GALNT10: variants seen among roughly 807,000 people sequenced by gnomAD.
GALNT10 encodes the protein polypeptide N-acetylgalactosaminyltransferase 10.
Under a neutral mutation model 75.0 loss-of-function variants are expected in GALNT10, and 41 were observed. The observed-to-expected ratio is 0.55, with a 90% CI of 0.43 to 0.71. The LOEUF (loss-of-function observed/expected upper bound fraction) is 0.71, where lower values mean the gene tolerates loss of function less well. GALNT10 is among the 30% of genes least tolerant of loss of function. GALNT10 has a pLI of 0.00. For missense variants in GALNT10, 727 were observed against 818.5 expected, an observed-to-expected ratio of 0.89 and a Z score of 1.36; for synonymous variants, 302 against 313.0, an observed-to-expected ratio of 0.96 and a Z score of 0.37.
chr5:154,413,039 T>C, intron 10 of GALNT10, 34 bp downstream of exon 10: 1 of 1,374,398 alleles, frequency 7.3e-7, no homozygotes, highest in Non-Finnish European at 1.0e-6. Flanking sequence ...GGCAGCCAGG[T>C]TCTCTGAAAC....
Position 154,190,954 on chromosome 5 carries a change from C to G in GALNT10, c.88C>G (p.Leu30Val). The G allele has an allele frequency of 1.3e-6, 2 of 1,510,950 alleles. No individual in the cohort carries two copies. 93.6% of individuals were successfully genotyped at this position (1,510,950 alleles called of 1,614,324 possible). A position where few individuals can be genotyped will look rare whatever the true frequency, so the allele number is the denominator to read the frequency against. Residue 30 changes from leucine to valine, a missense_variant, in exon 1 of 12, where the codon CTG becomes GTG. By Grantham distance (32) the Leu-to-Val change is conservative (BLOSUM62 1). Transcript: ENST00000297107. ...CCTGCCCAACGTGGGGCTTTGGGCG[C>G]TGTACCGCGAGCGGCAGCCCGACGG... Reference protein sequence around the residue: ...VLLPNVGLWALYRERQPDGTP... With the variant: ...VLLPNVGLWAVYRERQPDGTP...
chr5:154,389,021 C>G (rs1448825211), intron 7 of GALNT10: 1 of 151,882 alleles, frequency 6.6e-6, no homozygotes. Flanking sequence ...CAGGCCAACT[C>G]TGATCCATTG....
At chr5:154,366,863 A>C (rs1225556454) in intron 4 of GALNT10, among the ~76,000 whole-genome samples, 3 of 152,230 alleles carry the variant, frequency 2.0e-5, no homozygotes, top group African/African-American at 7.2e-5. Context: ...GGCTAGTAAC[A>C]ATAGCAATAG....
chr5:154,258,288 T>A (rs1041627441), intron 1 of GALNT10, among the ~76,000 whole-genome samples: 28 of 152,174 alleles, frequency 1.8e-4, no homozygotes, highest in Non-Finnish European at 3.8e-4. Context: ...TTTTTTCTTA[T>A]TCAGTGTCTA....
At position 154,309,404 on chromosome 5, in the gene GALNT10, A is replaced by G. The variant is rs116553888; in HGVS notation, c.401+11325A>G. Among the ~76,000 whole-genome samples, 1,452 of 152,278 alleles carry G rather than the reference A, an allele frequency of 9.5e-3. 26 individuals carry two copies. The highest frequency in any genetic ancestry group is 0.033 in the African/African-American group (1,366 of 41,550). On this transcript the variant is annotated intron_variant, in intron 3 of 11. Coordinates refer to ENST00000297107, the MANE Select transcript of GALNT10 (RefSeq NM_198321.4). Reference sequence around the variant, plus strand: ...ACTGGAAGGTTTTGAACAGAGAGTGACATGATCTGATTTTCATGTTAAAAG... The same window carrying G: ...ACTGGAAGGTTTTGAACAGAGAGTGGCATGATCTGATTTTCATGTTAAAAG...
intron 7 of GALNT10, among the ~76,000 whole-genome samples, chr5:154,398,306 G>T (rs918011051): frequency 9.2e-5 from 14 of 152,238 alleles, no homozygotes; most frequent in Non-Finnish European, 1.6e-4. Flanking sequence ...GCAACACAAG[G>T]AGAGGAACTG....
chr5:154,403,337 AT>A (rs1457360803), intron 7 of GALNT10, among the ~76,000 whole-genome samples: 1 of 152,162 alleles, frequency 6.6e-6, no homozygotes, highest in Admixed American at 6.5e-5. Flanking sequence ...ACATGTTCAC[AT>A]TCCCAAGTTG....
chr5:154,247,812 C>T (rs1416561520), intron 1 of GALNT10, among the ~76,000 whole-genome samples: 1 of 152,154 alleles, frequency 6.6e-6, no homozygotes, highest in Non-Finnish European at 1.5e-5. Context: ...TTTCTTTCTC[C>T]TGCCTGATTG....
At chr5:154,382,149 A>C (rs764591985) in intron 6 of GALNT10, among the ~76,000 whole-genome samples, 1 of 152,236 alleles carries the variant, frequency 6.6e-6, no homozygotes, top group Non-Finnish European at 1.5e-5. Flanking sequence ...GGCATGGTGC[A>C]TACCCAGGGC....
intron 1 of GALNT10, among the ~76,000 whole-genome samples, chr5:154,248,196 T>G (rs1753461143): frequency 6.6e-6 from 1 of 152,278 alleles, no homozygotes; most frequent in Non-Finnish European, 1.5e-5. Flanking sequence ...TTTGATGTGC[T>G]GCTGGATTCG....
intron 3 of GALNT10, among the ~76,000 whole-genome samples, chr5:154,316,397 T>G (rs542364985): frequency 3.4e-4 from 52 of 152,308 alleles, no homozygotes; most frequent in African/African-American, 1.0e-3. Context: ...ACAGAAGGGT[T>G]GGACGAGGCA....
At chr5:154,333,059 A>G (rs1188457916) in intron 4 of GALNT10, among the ~76,000 whole-genome samples, 3 of 152,220 alleles carry the variant, frequency 2.0e-5, no homozygotes, top group African/African-American at 7.2e-5. Context: ...AGTCTCAGGA[A>G]ACGCTGTGAG....
chr5:154,283,811 C>CA (rs1373570409), intron 1 of GALNT10, among the ~76,000 whole-genome samples: 4 of 152,216 alleles, frequency 2.6e-5, no homozygotes, highest in Non-Finnish European at 5.9e-5. Context: ...TTGTGGAAAT[C>CA]AACCAGTGGG....
chr5:154,216,216 A>G (rs1165314558), intron 1 of GALNT10, among the ~76,000 whole-genome samples: 1 of 152,140 alleles, frequency 6.6e-6, no homozygotes, highest in Non-Finnish European at 1.5e-5. Flanking sequence ...ATTGTTTCAA[A>G]TTGTTAGCTC....
chr5:154,405,301 C>T (rs1756251480), intron 8 of GALNT10, among the ~76,000 whole-genome samples: 1 of 152,206 alleles, frequency 6.6e-6, no homozygotes, highest in African/African-American at 2.4e-5. Context: ...CCGCGCGTCT[C>T]CCTGAGAGCC....
intron 4 of GALNT10, among the ~76,000 whole-genome samples, chr5:154,372,728 G>A (rs1014113457): frequency 3.9e-5 from 6 of 152,056 alleles, no homozygotes; most frequent in Non-Finnish European, 7.4e-5. Context: ...GCCGAGGTCC[G>A]ACACATGGAC....
In GALNT10 at chr5:154,376,354, G is replaced by A. The variant is rs770426085; in HGVS notation, c.646G>A (p.Gly216Arg). 1 of 1,611,700 alleles carries A rather than the reference G, an allele frequency of 6.2e-7. No homozygotes were observed. The highest frequency in any genetic ancestry group is 1.1e-5 in the South Asian group (1 of 90,590). ...VRILRTKKRE[G>R]LIRTRMLGAS... ...GATTCTTCGAACCAAGAAACGGGAA[G>A]GGCTGATAAGGACCCGAATGCTGGG... Residue 216 changes from glycine (G) to arginine (R), a missense_variant, in exon 5 of 12, where the codon GGG (glycine) becomes AGG (arginine). Transcript: ENST00000297107. This position sits in a 1 kb window ranked among gnomAD's most constrained non-coding sequence, Gnocchi z 4.1.
chr5:154,258,355 T>G (rs567925577), intron 1 of GALNT10, among the ~76,000 whole-genome samples: 5 of 152,234 alleles, frequency 3.3e-5, no homozygotes, highest in Non-Finnish European at 7.3e-5. Context: ...AGGGAATAAT[T>G]GGGCATTGCC....
At chr5:154,216,317 T>C (rs1462932507) in intron 1 of GALNT10, among the ~76,000 whole-genome samples, 1 of 152,184 alleles carries the variant, frequency 6.6e-6, no homozygotes, top group Non-Finnish European at 1.5e-5. Context: ...GTCACCAGCT[T>C]TTTCTTTTAA....
Sources: allele counts gnomAD v4.1 joint callset (sites outside exome capture counted in the v4.1 genomes callset), GRCh38; gene constraint gnomAD v4.1.1; non-coding constraint Gnocchi (gnomAD v3.1); transcripts MANE v1.5; gene names NCBI Gene and HGNC (gene_info 2026-07-23, HGNC 2026-07-21).